The following TLN2 variants were observed in gnomAD, a reference collection of about 807,000 sequenced individuals.
TLN2 encodes the protein talin 2.
In TLN2, 118 loss-of-function variants were observed where a neutral mutation model predicts 294.7. The ratio of observed to expected loss-of-function variants is 0.40; its 90% CI spans 0.34 to 0.47. The LOEUF (loss-of-function observed/expected upper bound fraction) is 0.47, where lower values mean the gene tolerates loss of function less well. TLN2 is among the 20% of genes least tolerant of loss of function. The probability of loss-of-function intolerance (pLI) is 0.84; values close to 1 mark genes in which losing one functional copy is unlikely to be tolerated. For synonymous variants in TLN2, 1,431 were observed against 1,304.5 expected, an observed-to-expected ratio of 1.10 and a Z score of -2.09; for missense variants, 3,083 against 3,282.2, an observed-to-expected ratio of 0.94 and a Z score of 1.48.
intron 32 of TLN2, among the ~76,000 whole-genome samples, chr15:62,745,446 G>T (rs2061559636): frequency 6.6e-6 from 1 of 152,014 alleles, no homozygotes; most frequent in South Asian, 2.1e-4. Flanking sequence ...ATTTCTAATG[G>T]GGGGTAGATT....
intron 1 of TLN2, among the ~76,000 whole-genome samples, chr15:62,402,292 C>G (rs1170598729): frequency 2.0e-5 from 3 of 152,212 alleles, no homozygotes; most frequent in African/African-American, 7.2e-5. Context: ...TAGACCTAAT[C>G]ATTACTGATA....
intron 1 of TLN2, among the ~76,000 whole-genome samples, chr15:62,582,217 C>CACACACACACACACACACAT (rs1567138449): frequency 3.7e-5 from 5 of 135,830 alleles, no homozygotes; most frequent in Non-Finnish European, 3.2e-5. Flanking sequence ...CACACACACA[C>CACACACACACACACACACAT]ACACACACAC....
intron 1 of TLN2, among the ~76,000 whole-genome samples, chr15:62,535,478 A>ACG (rs1379847997): frequency 6.6e-6 from 1 of 151,820 alleles, no homozygotes; most frequent in Non-Finnish European, 1.5e-5. Context: ...ACACACACAC[A>ACG]CACACACACA....
chr15:62,592,876 G>T (rs1306956337), intron 2 of TLN2, among the ~76,000 whole-genome samples: 2 of 152,180 alleles, frequency 1.3e-5, no homozygotes, highest in African/African-American at 2.4e-5. Context: ...GTGGGGGAAT[G>T]ATAAATGATT....
At chr15:62,510,254 G>T (rs28602606) in intron 1 of TLN2, among the ~76,000 whole-genome samples, 2,104 of 152,306 alleles carry the variant, frequency 0.014, 50 homozygotes, top group African/African-American at 0.048. Context: ...ATTTTCCTCA[G>T]GGGCCCTGGA....
intron 57 of TLN2, among the ~76,000 whole-genome samples, chr15:62,836,665 CCTT>C (rs1555527175): frequency 6.6e-6 from 1 of 151,832 alleles, no homozygotes; most frequent in Non-Finnish European, 1.5e-5. Context: ...ACAATCAAGT[CCTT>C]CTCAGAGCAG....
intron 8 of TLN2, among the ~76,000 whole-genome samples, chr15:62,657,272 T>C (rs994939791): frequency 6.6e-6 from 1 of 152,130 alleles, no homozygotes; most frequent in Admixed American, 6.5e-5. Flanking sequence ...GTCTTGAGTA[T>C]TGAGTTCTTG....
At chr15:62,691,800 G>C (rs2057939201) in intron 12 of TLN2, among the ~76,000 whole-genome samples, 1 of 151,874 alleles carries the variant, frequency 6.6e-6, no homozygotes, top group African/African-American at 2.4e-5. Context: ...CTCTTGAGGA[G>C]CTGGAACTGC....
intron 1 of TLN2, among the ~76,000 whole-genome samples, chr15:62,400,054 A>G (rs1218132773): frequency 6.6e-6 from 1 of 152,188 alleles, no homozygotes; most frequent in Admixed American, 6.5e-5. Context: ...GTGGGAGGTT[A>G]TTGAATTATG....
At chr15:62,626,665 G>C (rs1024769792) in intron 3 of TLN2, among the ~76,000 whole-genome samples, 3 of 152,164 alleles carry the variant, frequency 2.0e-5, no homozygotes, top group Admixed American at 1.3e-4. Flanking sequence ...GACATCACCT[G>C]GTCCTCACCA....
At chr15:62,779,809 T>C (rs2063997353) in intron 43 of TLN2, among the ~76,000 whole-genome samples, 1 of 152,230 alleles carries the variant, frequency 6.6e-6, no homozygotes, top group Non-Finnish European at 1.5e-5. Context: ...GCTAAAAAAG[T>C]CTAGTGTGGA....
intron 1 of TLN2, among the ~76,000 whole-genome samples, chr15:62,410,114 C>CAT (rs1356102858): frequency 7.9e-5 from 12 of 151,916 alleles, no homozygotes; most frequent in Admixed American, 7.2e-4. Context: ...TGGTGGTGTG[C>CAT]GCCTGTAATC....
intron 1 of TLN2, among the ~76,000 whole-genome samples, chr15:62,576,670 G>GCC (rs1217678879): frequency 1.7e-5 from 2 of 116,342 alleles, no homozygotes; most frequent in Non-Finnish European, 3.4e-5. Flanking sequence ...TCCCCCCCCC[G>GCC]CCCCCCACAT....
intron 55 of TLN2, chr15:62,834,436 C>T (rs2069241323): frequency 6.6e-6 from 1 of 151,924 alleles, no homozygotes; most frequent in African/African-American, 2.4e-5. Context: ...TGTCAGTGTA[C>T]AGATAGGTAG....
At chr15:62,559,823 G>C (rs969535141) in intron 1 of TLN2, among the ~76,000 whole-genome samples, 1 of 152,110 alleles carries the variant, frequency 6.6e-6, no homozygotes, top group Non-Finnish European at 1.5e-5. Flanking sequence ...TTGGTGGGGG[G>C]GTGTGCTTTA....
intron 19 of TLN2, among the ~76,000 whole-genome samples, chr15:62,704,348 T>A (rs1233499163): frequency 6.6e-6 from 1 of 152,236 alleles, no homozygotes; most frequent in East Asian, 1.9e-4. Flanking sequence ...AATGATTTTA[T>A]AATATTTTAT....
intron 5 of TLN2, among the ~76,000 whole-genome samples, chr15:62,651,352 A>C (rs1300223093): frequency 6.6e-6 from 1 of 152,184 alleles, no homozygotes; most frequent in Non-Finnish European, 1.5e-5. Flanking sequence ...GTTATTTAGC[A>C]CTGGAGAAAA....
chr15:62,466,254 T>C (rs565068792), intron 1 of TLN2, among the ~76,000 whole-genome samples: 13 of 152,292 alleles, frequency 8.5e-5, no homozygotes, highest in Admixed American at 5.9e-4. Flanking sequence ...GAAGGTCCGG[T>C]GGTATGTCTG....
At chr15:62,668,011 C>T (rs1187947528) in intron 9 of TLN2, among the ~76,000 whole-genome samples, 2 of 151,956 alleles carry the variant, frequency 1.3e-5, no homozygotes, top group Non-Finnish European at 2.9e-5. Context: ...TAACAAAGAA[C>T]TCAAATACAT....
Sources: gnomAD v4.1 joint callset for allele counts (sites outside exome capture counted in the v4.1 genomes callset) on GRCh38, gnomAD v4.1.1 for gene constraint, MANE v1.5 for transcripts, NCBI Gene and HGNC (gene_info 2026-07-23, HGNC 2026-07-21) for gene names.